Variants in VAC14 observed in about 807,000 individuals in gnomAD.
VAC14 encodes protein VAC14 homolog.
In VAC14, 47 loss-of-function variants were observed where a neutral mutation model predicts 85.3. That is an observed-to-expected ratio of 0.55 (90% confidence interval 0.44 to 0.70). The LOEUF (loss-of-function observed/expected upper bound fraction) is 0.70. Among genes scored for constraint, VAC14 ranks in the 30% least tolerant of loss-of-function variants. The pLI is 0.00. For synonymous variants in VAC14, 447 were observed against 430.5 expected (o/e 1.04, Z -0.47); for missense variants, 861 against 1,004.3 (o/e 0.86, Z 1.93).
Position 70,720,556 on chromosome 16 carries a change from G to A in VAC14, c.1661+10939C>T, listed in dbSNP as rs148091918. ...CTTCCAAGGCACCTTTCTCTCTGAA[G>A]CAGTGGGAAGGGCTGGGAGTTGTCA... On this transcript the variant is annotated intron_variant, in intron 14 of 18. Coordinates refer to ENST00000261776, the MANE Select transcript of VAC14 (RefSeq NM_018052.5). 2.5e-4 allele frequency among the ~76,000 whole-genome samples: 38 copies of A among 152,336 alleles called. 1 individual carries two copies. In the East Asian group the frequency reaches 6.4e-3, roughly 26 times the overall value.
At chr16:70,784,618 G>A (rs1474664015) in intron 4 of VAC14, among the ~76,000 whole-genome samples, 158 bp downstream of exon 4, 1 of 152,100 alleles carries the variant, frequency 6.6e-6, no homozygotes, top group African/African-American at 2.4e-5. Flanking sequence ...GATTGAGCTC[G>A]ATATTCTTGT....
intron 14 of VAC14, among the ~76,000 whole-genome samples, chr16:70,704,506 GT>G (rs1190582993): frequency 6.6e-6 from 1 of 152,234 alleles, no homozygotes; most frequent in Non-Finnish European, 1.5e-5. Context: ...GCCTGGGGCT[GT>G]GTGCAGAGCA....
At chr16:70,757,334 C>G (rs987572726) in intron 12 of VAC14, among the ~76,000 whole-genome samples, 1 of 152,264 alleles carries the variant, frequency 6.6e-6, no homozygotes, top group Non-Finnish European at 1.5e-5. Context: ...CTCAGGGCGG[C>G]CAGCTGGAGC....
intron 16 of VAC14, 157 bp downstream of exon 16, chr16:70,696,982 G>C: frequency 1.6e-6 from 1 of 612,824 alleles, no homozygotes; most frequent in East Asian, 2.9e-5. Flanking sequence ...TCCCCTCCCA[G>C]TGTCCTGGCA....
At chr16:70,717,944 C>T (rs536741387) in intron 14 of VAC14, among the ~76,000 whole-genome samples, 9 of 152,342 alleles carry the variant, frequency 5.9e-5, no homozygotes, top group South Asian at 2.1e-4. Flanking sequence ...TGAGCCACCG[C>T]GCCCGGCCTT....
intron 1 of VAC14, among the ~76,000 whole-genome samples, chr16:70,787,963 A>G (rs1021325513): frequency 6.6e-6 from 1 of 152,248 alleles, no homozygotes; most frequent in African/African-American, 2.4e-5. Flanking sequence ...TGGTGGAGCC[A>G]CTGAAGGTGG....
chr16:70,735,680 C>T (rs1490628258), intron 13 of VAC14, among the ~76,000 whole-genome samples: 1 of 152,242 alleles, frequency 6.6e-6, no homozygotes, highest in South Asian at 2.1e-4. Context: ...ATCCTCAATC[C>T]CAAGAACCTC....
intron 2 of VAC14, 31 bp downstream of exon 2, chr16:70,786,184 G>A (rs1393602716): frequency 6.2e-7 from 1 of 1,610,124 alleles, no homozygotes; most frequent in Non-Finnish European, 8.5e-7. Context: ...GGCCAGGACT[G>A]GTATGTCTGT....
chr16:70,782,966 C>A, intron 7 of VAC14, 67 bp downstream of exon 7: 5 of 1,419,818 alleles, frequency 3.5e-6, no homozygotes, highest in African/African-American at 2.8e-5. Flanking sequence ...GTGAAAGGGG[C>A]TTCTGCAGAG....
chr16:70,784,327 G>A, intron 4 of VAC14, 107 bp from the exon 5 acceptor site: 1 of 804,044 alleles, frequency 1.2e-6, no homozygotes, highest in South Asian at 1.6e-5. Flanking sequence ...GGCCACCAAG[G>A]AAAATGGCAG....
chr16:70,698,577 C>CAA, intron 15 of VAC14, 60 bp downstream of exon 15: 1 of 1,598,186 alleles, frequency 6.3e-7, no homozygotes, highest in Admixed American at 1.7e-5. Flanking sequence ...CGGGCTCACA[C>CAA]AGGGTGTGCC....
chr16:70,692,579 G>C (rs2053618208), intron 18 of VAC14, among the ~76,000 whole-genome samples: 2 of 152,196 alleles, frequency 1.3e-5, no homozygotes, highest in South Asian at 4.1e-4. Flanking sequence ...TTGCCTGGAA[G>C]TGTTGCTACT....
At chr16:70,767,251 T>C (rs573492123) in intron 10 of VAC14, among the ~76,000 whole-genome samples, 1 of 152,324 alleles carries the variant, frequency 6.6e-6, no homozygotes, top group African/African-American at 2.4e-5. Context: ...TAATAATAAG[T>C]TCCAGTTGTT....
At chr16:70,796,058 A>G (rs538326150) in intron 1 of VAC14, among the ~76,000 whole-genome samples, 2 of 152,328 alleles carry the variant, frequency 1.3e-5, no homozygotes, top group Admixed American at 1.3e-4. Context: ...ATTAAAATTG[A>G]AAACCCACAA....
At chr16:70,748,104 G>T (rs1264707340) in intron 12 of VAC14, among the ~76,000 whole-genome samples, 1 of 151,432 alleles carries the variant, frequency 6.6e-6, no homozygotes, top group Non-Finnish European at 1.5e-5. Context: ...AGGTAACAGC[G>T]AGTCCACCTC....
chr16:70,774,254 G>A (rs917392985), intron 9 of VAC14, among the ~76,000 whole-genome samples: 3 of 152,100 alleles, frequency 2.0e-5, no homozygotes, highest in African/African-American at 7.2e-5. Context: ...CCCTCAATCT[G>A]TGTGTCTTTC....
At chr16:70,753,834 T>A (rs1261323038) in intron 12 of VAC14, among the ~76,000 whole-genome samples, 1 of 152,170 alleles carries the variant, frequency 6.6e-6, no homozygotes, top group Non-Finnish European at 1.5e-5. Flanking sequence ...TGCAGGCAAC[T>A]CGCCCTGCAG....
intron 10 of VAC14, among the ~76,000 whole-genome samples, chr16:70,766,244 G>T (rs1323866512): frequency 2.0e-5 from 3 of 152,144 alleles, no homozygotes; most frequent in African/African-American, 7.2e-5. Flanking sequence ...AATCCAAAAG[G>T]GCCAAGATGT....
chr16:70,738,821 C>T (rs1014780298), intron 13 of VAC14, among the ~76,000 whole-genome samples: 3 of 152,168 alleles, frequency 2.0e-5, no homozygotes, highest in Non-Finnish European at 4.4e-5. Flanking sequence ...CCTGCCATGA[C>T]GCTATTCAAA....
Sources: allele counts gnomAD v4.1 joint callset (sites outside exome capture counted in the v4.1 genomes callset), GRCh38; gene constraint gnomAD v4.1.1; transcripts MANE v1.5; gene names NCBI Gene and HGNC (gene_info 2026-07-23, HGNC 2026-07-21).